The following MRTFA variants were observed in gnomAD, a reference collection of about 807,000 sequenced individuals.
The protein encoded by MRTFA is myocardin-related transcription factor A.
Under a neutral mutation model 83.5 loss-of-function variants are expected in MRTFA, and 20 were observed. That is an observed-to-expected ratio of 0.24 (90% CI 0.17 to 0.35). The LOEUF is 0.35. Ranked by LOEUF, MRTFA falls within the 10% of genes least tolerant of loss-of-function variation. The pLI is 1.00. For missense variants in MRTFA, 1,200 were observed against 1,224.7 expected, an observed-to-expected ratio of 0.98 and a Z score of 0.30; for synonymous variants, 659 against 541.2, an observed-to-expected ratio of 1.22 and a Z score of -3.02.
rs1225914923 is a variant in MRTFA, at chr22:40,474,837, C to A, written c.242-11551G>T. 4.6e-5 allele frequency among the ~76,000 whole-genome samples: 7 copies of A among 152,038 alleles called. No individual in the cohort carries two copies. In the South Asian group the frequency reaches 1.0e-3, roughly 23 times the overall value. ...TAATTCAATTCATGTATTCAAATGG[C>A]TTTTTTTTCTTTCTTTCCTGAGATG... is the stretch of plus-strand genomic sequence containing the variant. On this transcript the variant is annotated intron_variant, in intron 3 of 14. Transcript: ENST00000355630.
chr22:40,410,935 T>TGG lies in MRTFA; in HGVS notation c.*454_*455insCC, dbSNP rs150999789. On this transcript the variant is annotated 3_prime_UTR_variant, in exon 15 of 15. Coordinates refer to ENST00000355630, the MANE Select transcript of MRTFA (RefSeq NM_020831.6). ...TCCTGGGGTTGGCAGACACAGGGAA[T>TGG]AGGGGGTAGAGGCCCAGGCTAATTT... The TGG allele has an allele frequency of 8.5e-6, 2 of 235,142 alleles. No homozygotes were observed. The highest frequency in any genetic ancestry group is 1.7e-5 in the Non-Finnish European group (2 of 119,794). 14.6% of individuals were successfully genotyped at this position (235,142 alleles called of 1,614,324 possible). A position where few individuals can be genotyped will look rare whatever the true frequency, so the allele number is the denominator to read the frequency against.
intron 3 of MRTFA, among the ~76,000 whole-genome samples, chr22:40,478,323 T>G (rs1405293350): frequency 1.3e-5 from 2 of 152,168 alleles, no homozygotes; most frequent in African/African-American, 4.8e-5. Flanking sequence ...TTAACAGTAA[T>G]GTACTAATGT....
At chr22:40,482,249 A>G (rs73167069) in intron 3 of MRTFA, among the ~76,000 whole-genome samples, 12,431 of 152,166 alleles carry the variant, frequency 0.082, 793 homozygotes, top group East Asian at 0.24. Context: ...GGTTGGCCTG[A>G]TATCAAAGCT....
At chr22:40,571,778 G>A (rs1274174558) in intron 2 of MRTFA, among the ~76,000 whole-genome samples, 1 of 150,740 alleles carries the variant, frequency 6.6e-6, no homozygotes, top group Non-Finnish European at 1.5e-5. Context: ...AAAAAAAGCA[G>A]CCGGGCATGG....
chr22:40,557,147 AAGAG>A (rs2055537317), intron 2 of MRTFA, among the ~76,000 whole-genome samples: 2 of 152,206 alleles, frequency 1.3e-5, no homozygotes, highest in Non-Finnish European at 2.9e-5. Context: ...TAACTGAACA[AAGAG>A]AGAAGCAAAT....
intron 3 of MRTFA, among the ~76,000 whole-genome samples, chr22:40,499,982 T>C (rs1355850059): frequency 7.5e-6 from 1 of 133,734 alleles, no homozygotes; most frequent in African/African-American, 2.8e-5. Context: ...AATGAAATGG[T>C]ACGATCTCGG....
In MRTFA at chr22:40,411,429, A is replaced by G. The variant is rs2052532288; in HGVS notation, c.3057T>C (p.Asp1019=). The G allele has an allele frequency of 1.3e-6, 2 of 1,578,666 alleles. No individual in the cohort carries two copies. Among genetic ancestry groups the G allele is most frequent in the Non-Finnish European group, 1.7e-6 (2 of 1,155,030 alleles). The change falls in exon 15 of 15, where the codon GAT becomes GAC. Residue 1019 remains aspartate, a synonymous_variant. Transcript: ENST00000355630. The stretch of plus-strand genomic sequence containing the variant: ...CCCAGTGCAGCTGCAAATCATGGCC[A>G]TCGAGGAAGTCTGTGGAGAAGAGGC...
chr22:40,427,310 G>C (rs2052975909), intron 7 of MRTFA, among the ~76,000 whole-genome samples: 1 of 152,132 alleles, frequency 6.6e-6, no homozygotes, highest in Non-Finnish European at 1.5e-5. Flanking sequence ...ATGGGGAAAG[G>C]GCTCCTCCGG....
At position 40,602,514 on chromosome 22, in the gene MRTFA, T is replaced by A. The variant is rs893412303; in HGVS notation, c.-83-7779A>T. Among the ~76,000 whole-genome samples, 7 of 152,218 alleles carry A rather than the reference T, an allele frequency of 4.6e-5. No individual in the cohort carries two copies. In the East Asian group the frequency reaches 9.7e-4, roughly 21 times the overall value. The stretch of plus-strand genomic sequence containing the variant: ...GCAGTCACAGCAGGGCTAGGACTTG[T>A]AGCCTCCTAGAATCAAGGTCTTGCT... On this transcript the variant is annotated intron_variant, in intron 1 of 14. Coordinates refer to ENST00000355630, the MANE Select transcript of MRTFA (RefSeq NM_020831.6).
intron 2 of MRTFA, among the ~76,000 whole-genome samples, chr22:40,559,824 G>A (rs1379356147): frequency 6.6e-6 from 1 of 152,176 alleles, no homozygotes; most frequent in Non-Finnish European, 1.5e-5. Context: ...CCATGGTTGT[G>A]CCTACTACTA....
intron 1 of MRTFA, among the ~76,000 whole-genome samples, chr22:40,605,715 CT>C (rs888232867): frequency 1.3e-5 from 2 of 152,094 alleles, no homozygotes; most frequent in African/African-American, 4.8e-5. Flanking sequence ...GGAAAATCAT[CT>C]CTATATTCCA....
At chr22:40,591,642 A>G (rs1344766740) in intron 2 of MRTFA, among the ~76,000 whole-genome samples, 2 of 152,230 alleles carry the variant, frequency 1.3e-5, no homozygotes, top group South Asian at 4.1e-4. Flanking sequence ...CAAAATTACT[A>G]AAAATAAACT....
At chr22:40,556,028 CTCATA>C (rs1475346199) in intron 2 of MRTFA, among the ~76,000 whole-genome samples, 1 of 152,022 alleles carries the variant, frequency 6.6e-6, no homozygotes, top group Non-Finnish European at 1.5e-5. Flanking sequence ...AAACTACATA[CTCATA>C]TATTAAAATA....
intron 2 of MRTFA, among the ~76,000 whole-genome samples, chr22:40,591,015 G>A (rs573796174): frequency 6.6e-6 from 1 of 151,894 alleles, no homozygotes; most frequent in African/African-American, 2.4e-5. Context: ...CGCGCCTGTA[G>A]TCCCAGCTAC....
intron 3 of MRTFA, among the ~76,000 whole-genome samples, chr22:40,517,624 T>C (rs937112065): frequency 6.6e-6 from 1 of 152,192 alleles, no homozygotes; most frequent in African/African-American, 2.4e-5. Context: ...TTGTGATTTA[T>C]AATAAATATA....
Position 40,483,604 on chromosome 22 carries a change from G to A in MRTFA, c.242-20318C>T, listed in dbSNP as rs1053311384. On this transcript the variant is annotated intron_variant, in intron 3 of 14. Coordinates refer to ENST00000355630, the MANE Select transcript of MRTFA (RefSeq NM_020831.6). ...GGAGGCTGAGGCAGGAGAATGGCAT[G>A]AACCCAGGAGGCAGAGCTGGCAGTG... Among the ~76,000 whole-genome samples, 5 of 151,612 alleles carry A rather than the reference G, an allele frequency of 3.3e-5. No homozygotes were observed. In the South Asian group the frequency reaches 1.0e-3, roughly 32 times the overall value.
intron 3 of MRTFA, among the ~76,000 whole-genome samples, chr22:40,479,310 C>T (rs1395074779): frequency 6.6e-6 from 1 of 152,066 alleles, no homozygotes; most frequent in Non-Finnish European, 1.5e-5. Context: ...CCAGCCTTCC[C>T]CACTCACTAT....
At chr22:40,635,799 C>T (rs2056690228) in intron 1 of MRTFA, among the ~76,000 whole-genome samples, 1 of 152,178 alleles carries the variant, frequency 6.6e-6, no homozygotes, top group Non-Finnish European at 1.5e-5. Context: ...CTATTATCCT[C>T]ATTTTTCAGA....
At chr22:40,488,849 A>T (rs2054218491) in intron 3 of MRTFA, among the ~76,000 whole-genome samples, 1 of 152,236 alleles carries the variant, frequency 6.6e-6, no homozygotes, top group Non-Finnish European at 1.5e-5. Context: ...AAGTAATAAT[A>T]ATTCAGCTCC....
Sources: gnomAD v4.1 joint callset for allele counts (sites outside exome capture counted in the v4.1 genomes callset) on GRCh38, gnomAD v4.1.1 for gene constraint, MANE v1.5 for transcripts, NCBI Gene and HGNC (gene_info 2026-07-23, HGNC 2026-07-21) for gene names.